SNX24: variants seen among roughly 807,000 people sequenced by gnomAD.
The protein encoded by SNX24 is sorting nexin-24.
A neutral mutation model predicts 28.7 loss-of-function variants in SNX24; 22 were observed. The ratio of observed to expected loss-of-function variants is 0.77; its 90% CI spans 0.55 to 1.10. The LOEUF (loss-of-function observed/expected upper bound fraction) is 1.10, where lower values mean the gene tolerates loss of function less well. Among genes scored for constraint, SNX24 ranks in the 50% least tolerant of loss-of-function variants. The pLI is 0.00. For synonymous variants in SNX24, 69 were observed against 71.5 expected (o/e 0.96, Z 0.18); for missense variants, 221 against 201.1 (o/e 1.10, Z -0.60).
rs577139786 is a variant in SNX24, at chr5:122,983,508, A to G, written c.250-16404A>G. Among the ~76,000 whole-genome samples, 4 of 152,358 alleles carry G rather than the reference A, an allele frequency of 2.6e-5. No homozygotes were observed. The East Asian group carries it at 7.7e-4, about 29-fold the overall frequency. ...CTCCATTGGAGTCACTGATGAGAGC[A>G]GACTTAGCCAGGACTCAGAGTTAGC... On this transcript the variant is annotated intron_variant, in intron 3 of 6. Coordinates refer to ENST00000261369, the MANE Select transcript of SNX24 (RefSeq NM_014035.4).
rs755611406 is a variant in SNX24 at position 122,976,776 on chromosome 5, G to A, written c.250-23136G>A. Among the ~76,000 whole-genome samples, 15 of 152,368 alleles carry A rather than the reference G, an allele frequency of 9.8e-5. 2 individuals are homozygous for A. In the South Asian group the frequency reaches 2.5e-3, roughly 25 times the overall value. The stretch of plus-strand genomic sequence containing the variant: ...AGTTTGCTGCCCAAATAAATGCCTA[G>A]AGTGCGTAAAACGCAGAGCACAGTG... On this transcript the variant is annotated intron_variant, in intron 3 of 6. Coordinates refer to ENST00000261369, the MANE Select transcript of SNX24 (RefSeq NM_014035.4).
At chr5:123,005,206 C>G (rs2150179281) in intron 6 of SNX24, among the ~76,000 whole-genome samples, 1 of 152,324 alleles carries the variant, frequency 6.6e-6, no homozygotes, top group East Asian at 1.9e-4. Flanking sequence ...TAGTAATGGT[C>G]ACAGACTATC....
At chr5:123,009,501 A>G (rs1762520307), downstream of SNX24, among the ~76,000 whole-genome samples, 1 of 152,196 alleles carries the variant, frequency 6.6e-6, no homozygotes, top group Non-Finnish European at 1.5e-5. Flanking sequence ...TTTCTTAGTG[A>G]TGACTTTCGC....
chr5:122,929,704 AT>A (rs1293311213), intron 1 of SNX24, among the ~76,000 whole-genome samples: 4 of 152,044 alleles, frequency 2.6e-5, no homozygotes, highest in Non-Finnish European at 4.4e-5. Context: ...CTTATAAATT[AT>A]AATAGGTATT....
chr5:122,999,424 T>G (rs561436368), intron 3 of SNX24, among the ~76,000 whole-genome samples: 1 of 151,410 alleles, frequency 6.6e-6, no homozygotes, highest in South Asian at 2.1e-4. Flanking sequence ...TTATCATATT[T>G]CCTAAATAGT....
intron 5 of SNX24, among the ~76,000 whole-genome samples, chr5:123,026,191 C>T (rs564659719): frequency 1.3e-5 from 2 of 152,254 alleles, no homozygotes; most frequent in African/African-American, 4.8e-5. Flanking sequence ...TTAAATATGG[C>T]ACAGGATAGT....
intron 3 of SNX24, among the ~76,000 whole-genome samples, chr5:122,952,037 C>T (rs953156949): frequency 3.3e-5 from 5 of 152,170 alleles, no homozygotes; most frequent in African/African-American, 1.2e-4. Context: ...GTTTCATGCA[C>T]AAAATTATTT....
chr5:122,887,378 T>A (rs1008184533), intron 1 of SNX24, among the ~76,000 whole-genome samples: 8 of 152,264 alleles, frequency 5.3e-5, no homozygotes, highest in African/African-American at 1.9e-4. Context: ...TCTTTACTGT[T>A]CTGCATTTTC....
intron 1 of SNX24, among the ~76,000 whole-genome samples, chr5:122,901,105 G>A (rs1757425816): frequency 6.6e-6 from 1 of 151,426 alleles, no homozygotes; most frequent in African/African-American, 2.4e-5. Flanking sequence ...GGAGGTTGAG[G>A]TAGTAGAATC....
At chr5:122,877,330 G>A (rs993083679) in intron 1 of SNX24, among the ~76,000 whole-genome samples, 2 of 152,132 alleles carry the variant, frequency 1.3e-5, no homozygotes, top group Non-Finnish European at 2.9e-5. Context: ...TTTCTGAACA[G>A]CAAAGTGATA....
intron 1 of SNX24, among the ~76,000 whole-genome samples, chr5:122,903,570 G>T (rs1045890524): frequency 6.6e-6 from 1 of 152,060 alleles, no homozygotes; most frequent in Non-Finnish European, 1.5e-5. Context: ...CTGTGGACTG[G>T]GCACCTGCAC....
chr5:122,922,225 G>A (rs1159824313), intron 1 of SNX24, among the ~76,000 whole-genome samples: 1 of 152,096 alleles, frequency 6.6e-6, no homozygotes, highest in African/African-American at 2.4e-5. Flanking sequence ...TAAAGTATCA[G>A]GCAGGTTTTT....
chr5:122,897,798 G>T (rs1757267754), intron 1 of SNX24, among the ~76,000 whole-genome samples: 1 of 152,068 alleles, frequency 6.6e-6, no homozygotes, highest in Non-Finnish European at 1.5e-5. Flanking sequence ...TAATCCTACA[G>T]TTTCAAGTTT....
chr5:122,897,382 A>G lies in SNX24; in HGVS notation c.61-39352A>G, dbSNP rs190558264. On this transcript the variant is annotated intron_variant, in intron 1 of 6. Coordinates refer to ENST00000261369, the MANE Select transcript of SNX24 (RefSeq NM_014035.4). Reference sequence around the variant, plus strand: ...CAATTTTTCTCTCCCTATTTCTGCTACCTTACTACCTTATATGAGCCCTTA... The same window carrying G: ...CAATTTTTCTCTCCCTATTTCTGCTGCCTTACTACCTTATATGAGCCCTTA... Among the ~76,000 whole-genome samples the G allele has an allele frequency of 4.5e-3, 692 of 152,248 alleles. 7 individuals are homozygous for G. Among genetic ancestry groups the G allele is most frequent in the African/African-American group, 0.015 (613 of 41,542 alleles).
At chr5:122,881,064 G>A (rs1269513077) in intron 1 of SNX24, among the ~76,000 whole-genome samples, 1 of 152,114 alleles carries the variant, frequency 6.6e-6, no homozygotes, top group Non-Finnish European at 1.5e-5. Flanking sequence ...AGATTCTGAT[G>A]GTTTCCTTGT....
chr5:122,876,001 C>T (rs370345657), intron 1 of SNX24, among the ~76,000 whole-genome samples: 34 of 152,314 alleles, frequency 2.2e-4, no homozygotes, highest in African/African-American at 7.2e-4. Flanking sequence ...TCCGCCACCA[C>T]GTCTGGCTAA....
At chr5:122,917,901 A>T (rs1026340085) in intron 1 of SNX24, among the ~76,000 whole-genome samples, 3 of 151,992 alleles carry the variant, frequency 2.0e-5, no homozygotes, top group Non-Finnish European at 4.4e-5. Flanking sequence ...TAACACGGTG[A>T]AACCCCGTCT....
intron 3 of SNX24, among the ~76,000 whole-genome samples, chr5:122,976,690 G>A (rs144129803): frequency 1.3e-5 from 2 of 152,336 alleles, no homozygotes; most frequent in East Asian, 1.9e-4. Context: ...GAGAAGCCAC[G>A]ATGAAGTCCC....
intron 5 of SNX24, chr5:123,025,833 G>C (rs1405292961): frequency 1.9e-6 from 3 of 1,613,896 alleles, no homozygotes; most frequent in East Asian, 4.5e-5. Context: ...GTCCAACCAG[G>C]TGGGCTTGGT....
Sources: gnomAD v4.1 joint callset for allele counts (sites outside exome capture counted in the v4.1 genomes callset) on GRCh38, gnomAD v4.1.1 for gene constraint, MANE v1.5 for transcripts, NCBI Gene and HGNC (gene_info 2026-07-23, HGNC 2026-07-21) for gene names.